Variants in TRUB1 observed in about 807,000 individuals in gnomAD.
TRUB1 encodes pseudouridylate synthase TRUB1.
A neutral mutation model predicts 33.9 loss-of-function variants in TRUB1; 23 were observed. The observed-to-expected ratio is 0.68, with a 90% CI of 0.49 to 0.96. The LOEUF (loss-of-function observed/expected upper bound fraction) is 0.96, where lower values mean the gene tolerates loss of function less well. TRUB1 is among the 40% of genes least tolerant of loss of function. The probability of loss-of-function intolerance (pLI) is 0.00; values close to 1 mark genes in which losing one functional copy is unlikely to be tolerated. For missense variants in TRUB1, 378 were observed against 422.2 expected (o/e 0.90, Z 0.92); for synonymous variants, 163 against 165.4 (o/e 0.99, Z 0.11).
intron 1 of TRUB1, among the ~76,000 whole-genome samples, chr10:114,940,191 G>A (rs149694614): frequency 0.019 from 2,872 of 152,158 alleles, 43 homozygotes; most frequent in African/African-American, 0.03. Flanking sequence ...GCAAGATCTC[G>A]GCTCACTGCA....
At chr10:114,942,599 C>T (rs41284360) in intron 1 of TRUB1, 46 bp from the exon 2 acceptor site, 54,744 of 1,301,170 alleles carry the variant, frequency 0.042, 1,360 homozygotes, top group African/African-American at 0.074. Flanking sequence ...GATCCTACTT[C>T]ATTTGTCTTG....
chr10:114,972,402 T>C, intron 6 of TRUB1, 128 bp downstream of exon 6: 1 of 1,081,142 alleles, frequency 9.2e-7, no homozygotes, highest in Non-Finnish European at 1.3e-6. Context: ...TTAAGGAAAG[T>C]TAGGATTTCT....
rs777765996 is a variant in TRUB1 at position 114,975,423 on chromosome 10, C to A, written c.*44C>A. On this transcript the variant is annotated 3_prime_UTR_variant, in exon 8 of 8. Coordinates refer to ENST00000298746, the MANE Select transcript of TRUB1 (RefSeq NM_139169.5). Reference sequence around the variant, plus strand: ...ATCATTTTCTAGTTGACATTTGAATCCTGTGTGCAGATGCAGAATGACAAG... The same window carrying A: ...ATCATTTTCTAGTTGACATTTGAATACTGTGTGCAGATGCAGAATGACAAG... The A allele has an allele frequency of 6.7e-7, 1 of 1,489,840 alleles. No individual in the cohort carries two copies. The highest frequency in any genetic ancestry group is 8.9e-7 in the Non-Finnish European group (1 of 1,118,906). The allele number at this position is 1,489,840 out of a possible 1,614,324, so 92.3% of individuals were successfully genotyped here.
At chr10:114,972,427 G>T (rs942930198) in intron 6 of TRUB1, among the ~76,000 whole-genome samples, 153 bp downstream of exon 6, 18 of 151,910 alleles carry the variant, frequency 1.2e-4, no homozygotes, top group African/African-American at 4.3e-4. Context: ...ACCTTTTTTG[G>T]TAACACATTT....
intron 3 of TRUB1, among the ~76,000 whole-genome samples, chr10:114,951,546 G>A (rs554412947): frequency 1.3e-5 from 2 of 152,188 alleles, no homozygotes; most frequent in South Asian, 4.2e-4. Flanking sequence ...TTTGTTCAAT[G>A]GTTATAAATG....
chr10:114,958,834 T>G (rs2084272852), intron 3 of TRUB1, among the ~76,000 whole-genome samples: 2 of 152,270 alleles, frequency 1.3e-5, no homozygotes, highest in South Asian at 4.1e-4. Context: ...TTTATCTTTA[T>G]TAAGAAAACA....
chr10:114,956,857 A>G, intron 3 of TRUB1, among the ~76,000 whole-genome samples: 1 of 152,168 alleles, frequency 6.6e-6, no homozygotes, highest in African/African-American at 2.4e-5. Context: ...AGGGTTTCTC[A>G]ATAAGTTTTA....
chr10:114,973,134 T>C (rs2084344521), intron 6 of TRUB1, among the ~76,000 whole-genome samples: 1 of 152,122 alleles, frequency 6.6e-6, no homozygotes, highest in Non-Finnish European at 1.5e-5. Context: ...CAGGATATGG[T>C]TTTGTACCAT....
intron 4 of TRUB1, among the ~76,000 whole-genome samples, chr10:114,965,053 C>T (rs185202337): frequency 0.01 from 1,561 of 151,942 alleles, 18 homozygotes; most frequent in Middle Eastern, 0.058. Flanking sequence ...CCTCAGCCTC[C>T]CAAGTAGCTG....
intron 3 of TRUB1, among the ~76,000 whole-genome samples, chr10:114,951,693 C>T (rs1310526135): frequency 6.6e-6 from 1 of 152,102 alleles, no homozygotes; most frequent in East Asian, 1.9e-4. Context: ...GCAGGAGAGG[C>T]TGGAAAGCTG....
At chr10:114,955,000 G>A (rs1320695638) in intron 3 of TRUB1, among the ~76,000 whole-genome samples, 1 of 152,112 alleles carries the variant, frequency 6.6e-6, no homozygotes, top group Non-Finnish European at 1.5e-5. Flanking sequence ...TTCTTTAAGG[G>A]AGAGACAGAC....
Position 114,946,114 on chromosome 10 carries a change from C to T in TRUB1, c.385+3371C>T, listed in dbSNP as rs560003111. On this transcript the variant is annotated intron_variant, in intron 2 of 7. Transcript: ENST00000298746. ...ATTGTGTGATAAAATAAACACTGAACTCTAATCATACTTCGGTTTGTACAC... is the reference window on the plus strand; with the variant it reads ...ATTGTGTGATAAAATAAACACTGAATTCTAATCATACTTCGGTTTGTACAC... Among the ~76,000 whole-genome samples the T allele has an allele frequency of 2.0e-5, 3 of 152,278 alleles. No homozygotes were observed. The East Asian group carries it at 5.8e-4, about 29-fold the overall frequency.
intron 3 of TRUB1, among the ~76,000 whole-genome samples, chr10:114,951,686 G>A (rs1018234458): frequency 6.6e-6 from 1 of 152,180 alleles, no homozygotes; most frequent in Admixed American, 6.5e-5. Context: ...TTTGGAGGCA[G>A]GAGAGGCTGG....
intron 4 of TRUB1, among the ~76,000 whole-genome samples, chr10:114,961,963 A>G (rs1176380915): frequency 1.3e-5 from 2 of 152,248 alleles, no homozygotes; most frequent in South Asian, 2.1e-4. Context: ...ATTCAGAGAT[A>G]CTTGAATTTA....
Position 114,968,085 on chromosome 10 carries a change from A to ATG in TRUB1, c.524-2271_524-2270dup, listed in dbSNP as rs550820951. On this transcript the variant is annotated intron_variant, in intron 4 of 7. Coordinates refer to ENST00000298746, the MANE Select transcript of TRUB1 (RefSeq NM_139169.5). ...GGTGGGATAATACGTACGTGTGTGT[A>ATG]TGTGTGTGTGTGTAGAAATCAAATA... Among the ~76,000 whole-genome samples the ATG allele has an allele frequency of 6.2e-3, 939 of 151,978 alleles. 6 individuals carry two copies. The highest frequency in any genetic ancestry group is 0.011 in the Non-Finnish European group (731 of 67,908).
intron 1 of TRUB1, 92 bp from the exon 2 acceptor site, chr10:114,942,553 G>T: frequency 3.8e-6 from 3 of 794,778 alleles, no homozygotes; most frequent in Admixed American, 2.3e-5. Flanking sequence ...TGTTTGTTTT[G>T]AAAATGCCAT....
chr10:114,952,059 A>G (rs1195440303), intron 3 of TRUB1, among the ~76,000 whole-genome samples: 1 of 152,228 alleles, frequency 6.6e-6, no homozygotes, highest in Non-Finnish European at 1.5e-5. Context: ...TTGCTAAATA[A>G]GTTTCTACGC....
chr10:114,964,970 G>A (rs1007047550), intron 4 of TRUB1, among the ~76,000 whole-genome samples: 67 of 136,698 alleles, frequency 4.9e-4, no homozygotes, highest in Non-Finnish European at 7.0e-4. Context: ...TTGCTCTGTC[G>A]CCAGGCTGGA....
At chr10:114,945,684 T>C (rs1165074966) in intron 2 of TRUB1, among the ~76,000 whole-genome samples, 1 of 152,198 alleles carries the variant, frequency 6.6e-6, no homozygotes, top group East Asian at 1.9e-4. Context: ...TTGTGATTTT[T>C]ATTTTTTTTA....
Sources: gnomAD v4.1 joint callset for allele counts (sites outside exome capture counted in the v4.1 genomes callset) on GRCh38, gnomAD v4.1.1 for gene constraint, MANE v1.5 for transcripts, NCBI Gene and HGNC (gene_info 2026-07-23, HGNC 2026-07-21) for gene names.